Variants in RP1 observed in about 807,000 individuals in gnomAD.
The protein encoded by RP1 is RP1 axonemal microtubule associated, also known as oxygen-regulated protein 1.
A neutral mutation model predicts 14.8 loss-of-function variants in RP1; 16 were observed. The observed-to-expected ratio is 1.08, with a 90% CI of 0.73 to 1.65. RP1 has a LOEUF of 1.65. RP1 is among the 40% of genes most tolerant of loss of function. The pLI is 0.00. For missense variants in RP1, 2,631 were observed against 2,535.0 expected (o/e 1.04, Z -0.81); for synonymous variants, 876 against 883.6 (o/e 0.99, Z 0.15).
At chr8:54,574,716 T>TAA (rs35062399) in intron 1 of RP1, among the ~76,000 whole-genome samples, 37 of 151,628 alleles carry the variant, frequency 2.4e-4, no homozygotes, top group Admixed American at 4.6e-4. Flanking sequence ...GTTGTTGGAT[T>TAA]AAAAAAAACC....
intron 22 of RP1, among the ~76,000 whole-genome samples, chr8:54,764,876 A>G (rs1809722573): frequency 6.6e-6 from 1 of 152,192 alleles, no homozygotes; most frequent in Non-Finnish European, 1.5e-5. Context: ...ACAAGAAGCC[A>G]AAGAGTAATT....
intron 24 of RP1, among the ~76,000 whole-genome samples, chr8:54,792,200 T>G (rs1471751345): frequency 6.6e-6 from 1 of 151,984 alleles, no homozygotes; most frequent in Non-Finnish European, 1.5e-5. Context: ...CATCTAAATA[T>G]ATGAAGTGAG....
chr8:54,755,126 A>G (rs1809469380), intron 20 of RP1, among the ~76,000 whole-genome samples: 1 of 152,166 alleles, frequency 6.6e-6, no homozygotes, highest in Non-Finnish European at 1.5e-5. Flanking sequence ...TGTAATCTCA[A>G]AATTGTTCTT....
At chr8:54,679,693 T>C (rs1585600726) in intron 11 of RP1, 2 of 1,527,506 alleles carry the variant, frequency 1.3e-6, no homozygotes, top group Non-Finnish European at 1.8e-6. Flanking sequence ...TTTGATGTGT[T>C]AAAACAAAAC....
At chr8:54,836,515 G>A (rs270803) in intron 24 of RP1, among the ~76,000 whole-genome samples, 151,977 of 152,340 alleles carry the variant, frequency 1, 75,809 homozygotes, top group Middle Eastern at 1. Flanking sequence ...AATTCCAAAC[G>A]TAAGAAGGGT....
exon 29 of RP1, chr8:54,870,250 C>G: frequency 4.1e-6 from 1 of 243,920 alleles, no homozygotes. Context: ...CCTCTCCCTT[C>G]TTTCTTTTCC....
In RP1 at chr8:54,626,378, T is replaced by G. The variant is rs751925476; in HGVS notation, c.2496T>G (p.Asp832Glu). The G allele has an allele frequency of 6.2e-7, 1 of 1,613,432 alleles. No homozygotes were observed. The highest frequency in any genetic ancestry group is 1.3e-5 in the African/African-American group (1 of 74,820). ...VFNILEQKPK[D>E]FYAPQSQAEV... ...ACATCCTTGAGCAAAAACCCAAAGA[T>G]TTTTATGCACCGCAATCTCAAGCAG... The change falls in exon 4 of 4, where the codon GAT becomes GAG. Residue 832 changes from aspartate (D) to glutamate (E), a missense_variant. Asp to Glu is a conservative substitution (Grantham distance 45). Coordinates refer to ENST00000220676, the MANE Select transcript of RP1 (RefSeq NM_006269.2).
intron 13 of RP1, among the ~76,000 whole-genome samples, chr8:54,699,949 A>T (rs1266172613): frequency 6.6e-6 from 1 of 152,160 alleles, no homozygotes. Flanking sequence ...CATACATGTT[A>T]TTTATTTTTT....
intron 3 of RP1, among the ~76,000 whole-genome samples, chr8:54,647,303 T>A (rs1806570226): frequency 6.6e-6 from 1 of 151,926 alleles, no homozygotes; most frequent in Non-Finnish European, 1.5e-5. Context: ...TAATCTCAGC[T>A]ATTGAGAGGC....
Position 54,812,762 on chromosome 8 carries a change from C to CT in RP1, c.3616-24688_3616-24687insT, listed in dbSNP as rs1554535887. Among the ~76,000 whole-genome samples, 200 of 145,272 alleles carry CT rather than the reference C, an allele frequency of 1.4e-3. 2 individuals are homozygous for CT. Among genetic ancestry groups the CT allele is most frequent in the South Asian group, 2.5e-3 (11 of 4,474 alleles). ...TCTATGTATCCATGTATCTATCTAT[C>CT]ATCTATCTATCTATCTATCTATCTA... On this transcript the variant is annotated intron_variant, in intron 24 of 28. Coordinates refer to the RP1 transcript ENST00000637698.
intron 25 of RP1, among the ~76,000 whole-genome samples, chr8:54,851,539 G>C (rs937395589): frequency 1.3e-5 from 2 of 152,182 alleles, no homozygotes; most frequent in African/African-American, 4.8e-5. Context: ...AGTCCAGGCA[G>C]TTCCACATGT....
At chr8:54,637,361 C>G (rs533621921) in intron 3 of RP1, among the ~76,000 whole-genome samples, 39 of 152,282 alleles carry the variant, frequency 2.6e-4, no homozygotes, top group African/African-American at 9.1e-4. Context: ...AGAGCCAGAA[C>G]CACACAGTAG....
chr8:54,700,130 A>G lies in RP1; in HGVS notation c.1821+560A>G, dbSNP rs186080155. 1.6e-3 allele frequency among the ~76,000 whole-genome samples: 244 copies of G among 152,242 alleles called. 1 individual carries two copies. The highest frequency in any genetic ancestry group is 5.6e-3 in the African/African-American group (231 of 41,574). On this transcript the variant is annotated intron_variant, in intron 13 of 22. Coordinates refer to the RP1 transcript ENST00000636932. ...GAGTTGCACAGAGTCACAAGCTAGTAAGTGTGGAAGCAGGAATTTAATATA... is the reference window on the plus strand; with the variant it reads ...GAGTTGCACAGAGTCACAAGCTAGTGAGTGTGGAAGCAGGAATTTAATATA...
chr8:54,787,356 C>G (rs780227447), intron 24 of RP1, among the ~76,000 whole-genome samples: 1 of 152,000 alleles, frequency 6.6e-6, no homozygotes, highest in Non-Finnish European at 1.5e-5. Context: ...CTGTTTATTG[C>G]CTGACATAGA....
At chr8:54,764,945 G>T (rs1441932632) in intron 22 of RP1, among the ~76,000 whole-genome samples, 1 of 151,420 alleles carries the variant, frequency 6.6e-6, no homozygotes, top group Non-Finnish European at 1.5e-5. Flanking sequence ...TACTGGTATA[G>T]ATTTTTAAGC....
intron 24 of RP1, among the ~76,000 whole-genome samples, chr8:54,799,528 G>T (rs73603097): frequency 0.01 from 1,555 of 151,950 alleles, 27 homozygotes; most frequent in African/African-American, 0.035. Flanking sequence ...CTTGCTAGTT[G>T]TTTTCTATTT....
At chr8:54,806,001 T>C (rs1484721747) in intron 24 of RP1, among the ~76,000 whole-genome samples, 1 of 151,906 alleles carries the variant, frequency 6.6e-6, no homozygotes, top group Non-Finnish European at 1.5e-5. Flanking sequence ...TCAGTGGTGT[T>C]TTTATTATTT....
At position 54,663,584 on chromosome 8, in the gene RP1, C is replaced by T. The variant is rs982741987; in HGVS notation, c.1172-115C>T. On this transcript the variant is annotated intron_variant, in intron 6 of 22. Transcript: ENST00000636932. ...ATTTTTTACTGCCTGTGGTTTCTGG[C>T]ATCCACTGGGGATCTTGGAACTTTT... is the stretch of plus-strand genomic sequence containing the variant. 1.3e-5 allele frequency: 13 copies of T among 979,570 alleles called. No homozygotes were observed. The Admixed American group carries it at 4.4e-4, about 33-fold the overall frequency. 60.7% of individuals were successfully genotyped at this position (979,570 alleles called of 1,614,324 possible).
chr8:54,671,680 T>C (rs895421359), intron 7 of RP1, among the ~76,000 whole-genome samples: 5 of 152,116 alleles, frequency 3.3e-5, no homozygotes, highest in Non-Finnish European at 5.9e-5. Context: ...GTTTTGTTCT[T>C]TCTTATAGTT....
Sources: gnomAD v4.1 joint callset for allele counts (sites outside exome capture counted in the v4.1 genomes callset) on GRCh38, gnomAD v4.1.1 for gene constraint, MANE v1.5 for transcripts, NCBI Gene and HGNC (gene_info 2026-07-23, HGNC 2026-07-21) for gene names.